DOCK11: variants seen among roughly 807,000 people sequenced by gnomAD.
DOCK11 encodes dedicator of cytokinesis protein 11.
In DOCK11, 70 loss-of-function variants were observed where a neutral mutation model predicts 169.1. The observed-to-expected ratio is 0.41, with a 90% CI of 0.34 to 0.51. DOCK11 has a LOEUF of 0.51. DOCK11 is among the 20% of genes least tolerant of loss of function. The probability of loss-of-function intolerance (pLI) is 0.10; values close to 1 mark genes in which losing one functional copy is unlikely to be tolerated. For synonymous variants in DOCK11, 529 were observed against 541.3 expected, an observed-to-expected ratio of 0.98 and a Z score of 0.32; for missense variants, 1,166 against 1,538.8, an observed-to-expected ratio of 0.76 and a Z score of 4.05.
intron 1 of DOCK11, among the ~76,000 whole-genome samples, chrX:118,510,317 A>G (rs1268371635): frequency 8.9e-6 from 1 of 112,499 alleles, no homozygotes; most frequent in African/African-American, 3.2e-5. Context: ...CAAATGAGGA[A>G]GCACAATCCC....
rs181129113 is a variant in DOCK11 at position 118,511,196 on chromosome X, C to T, written c.102+15123C>T. On this transcript the variant is annotated intron_variant, in intron 1 of 52. Transcript: ENST00000276202. ...CTGGCTAATTGACCTGGCTGTAATG[C>T]ACTGAAAATCATTATAGAAAAGGTT... 2.6e-3 allele frequency among the ~76,000 whole-genome samples: 298 copies of T among 112,469 alleles called. 1 individual carries two copies. Among genetic ancestry groups the T allele is most frequent in the African/African-American group, 9.2e-3 (286 of 30,976 alleles).
chrX:118,648,427 C>T (rs1056948254), intron 40 of DOCK11, among the ~76,000 whole-genome samples: 1 of 95,489 alleles, frequency 1.0e-5, no homozygotes, highest in African/African-American at 3.8e-5. Context: ...CTTTATATTT[C>T]AACAGTTCCT....
intron 12 of DOCK11, among the ~76,000 whole-genome samples, chrX:118,575,840 G>A (rs1353760433): frequency 8.9e-6 from 1 of 112,351 alleles, no homozygotes; most frequent in African/African-American, 3.2e-5. Context: ...TCAGTGTGTA[G>A]CACTCAGCTG....
At chrX:118,621,374 C>CT (rs1382355057) in intron 31 of DOCK11, among the ~76,000 whole-genome samples, 1 of 111,893 alleles carries the variant, frequency 8.9e-6, no homozygotes, top group African/African-American at 3.3e-5. Flanking sequence ...GAGCATGTTT[C>CT]CTATTAATGA....
chrX:118,605,104 T>A, intron 23 of DOCK11, 134 bp from the exon 24 acceptor site: 2 of 416,576 alleles, frequency 4.8e-6, no homozygotes, highest in Non-Finnish European at 8.3e-6. Flanking sequence ...CCCTATCCAA[T>A]GGAAAGCTCA....
chrX:118,510,310 A>G (rs1002200579), intron 1 of DOCK11, among the ~76,000 whole-genome samples: 1 of 112,520 alleles, frequency 8.9e-6, no homozygotes, highest in Non-Finnish European at 1.9e-5. Context: ...TAGAATTCAA[A>G]TGAGGAAGCA....
At chrX:118,628,927 A>G (rs1275605993) in intron 34 of DOCK11, among the ~76,000 whole-genome samples, 1 of 112,428 alleles carries the variant, frequency 8.9e-6, no homozygotes, top group Non-Finnish European at 1.9e-5. Context: ...TGGGATTATG[A>G]CTTAGAACAA....
Position 118,655,875 on chromosome X carries a change from A to G in DOCK11, c.4969+914A>G, listed in dbSNP as rs552878563. Among the ~76,000 whole-genome samples, 4 of 112,264 alleles carry G rather than the reference A, an allele frequency of 3.6e-5. 1 individual carries two copies. Among genetic ancestry groups the G allele is most frequent in the African/African-American group, 1.3e-4 (4 of 30,908 alleles). Reference sequence around the variant, plus strand: ...CTCTGGCTTCAGCTGTACGAACACAACCATATTTTGTTTTATTTTTTAATT... The same window carrying G: ...CTCTGGCTTCAGCTGTACGAACACAGCCATATTTTGTTTTATTTTTTAATT... On this transcript the variant is annotated intron_variant, in intron 44 of 52. Transcript: ENST00000276202.
intron 7 of DOCK11, among the ~76,000 whole-genome samples, chrX:118,563,432 G>C (rs189933149): frequency 1.3e-3 from 139 of 110,469 alleles, no homozygotes; most frequent in African/African-American, 4.1e-3. Flanking sequence ...ACTCCAGCCT[G>C]GGCAGCACAG....
chrX:118,628,377 C>A, intron 34 of DOCK11, 105 bp downstream of exon 34: 1 of 484,020 alleles, frequency 2.1e-6, no homozygotes, highest in Non-Finnish European at 3.4e-6. Flanking sequence ...TCCATCCTGG[C>A]TCTGCGAAAA....
chrX:118,552,083 A>T (rs1267500092), intron 6 of DOCK11, among the ~76,000 whole-genome samples: 1 of 109,647 alleles, frequency 9.1e-6, no homozygotes, highest in Non-Finnish European at 1.9e-5. Context: ...ATAGCAAGGA[A>T]GGGAGGAATC....
intron 41 of DOCK11, among the ~76,000 whole-genome samples, chrX:118,651,438 TC>T (rs2015944188): frequency 9.0e-6 from 1 of 111,105 alleles, no homozygotes; most frequent in Non-Finnish European, 1.9e-5. Context: ...TGAGACCCTG[TC>T]CCAAAAAATA....
intron 1 of DOCK11, among the ~76,000 whole-genome samples, chrX:118,509,277 T>C (rs2057634518): frequency 1.2e-5 from 1 of 85,116 alleles, no homozygotes; most frequent in Admixed American, 1.1e-4. Flanking sequence ...GTTTCTCTCT[T>C]TTTTTTTTTC....
intron 7 of DOCK11, among the ~76,000 whole-genome samples, chrX:118,563,327 C>T (rs2012970564): frequency 9.0e-6 from 1 of 110,942 alleles, no homozygotes; most frequent in South Asian, 3.8e-4. Flanking sequence ...GCCTGTAGTG[C>T]CAGCTACTCA....
intron 26 of DOCK11, 65 bp downstream of exon 26, chrX:118,608,421 C>T (rs960516703): frequency 9.2e-7 from 1 of 1,092,561 alleles, no homozygotes; most frequent in Non-Finnish European, 1.2e-6. Context: ...GATACCCTCC[C>T]GTTTCACTTC....
intron 1 of DOCK11, among the ~76,000 whole-genome samples, chrX:118,539,302 G>T (rs999018713): frequency 8.9e-6 from 1 of 112,048 alleles, no homozygotes; most frequent in African/African-American, 3.2e-5. Context: ...TTCAGGAATT[G>T]GAGAACATTA....
At position 118,588,223 on chromosome X, in the gene DOCK11, G is replaced by A; in HGVS notation, c.1882G>A (p.Glu628Lys). Residue 628 changes from glutamate to lysine, a missense_variant, in exon 17 of 53, where the codon GAA becomes AAA. Glu to Lys is a moderately conservative substitution (Grantham distance 56). Transcript: ENST00000276202. ...ITVEVEEFVP[E>K]MTKYCYPFTI... is the part of the protein sequence containing the mutation. ...TGTGGAGGTTGAAGAGTTTGTTCCA[G>A]AAATGACAAAATATTGTTATCCATT... 2.5e-6 allele frequency: 3 copies of A among 1,204,576 alleles called. No individual in the cohort carries two copies. Among genetic ancestry groups the A allele is most frequent in the Non-Finnish European group, 2.2e-6 (2 of 891,696 alleles).
chrX:118,585,283 C>T (rs942825119), intron 16 of DOCK11, among the ~76,000 whole-genome samples, 166 bp downstream of exon 16: 9 of 109,998 alleles, frequency 8.2e-5, no homozygotes, highest in Non-Finnish European at 1.5e-4. Flanking sequence ...CATTTATTCT[C>T]TCACAGTTCC....
At chrX:118,651,409 T>G (rs2015943533) in intron 41 of DOCK11, among the ~76,000 whole-genome samples, 1 of 111,257 alleles carries the variant, frequency 9.0e-6, no homozygotes, top group African/African-American at 3.3e-5. Context: ...ACCACTGCAT[T>G]CCAGCCTGGG....
Sources: allele counts gnomAD v4.1 joint callset (sites outside exome capture counted in the v4.1 genomes callset), GRCh38; gene constraint gnomAD v4.1.1; transcripts MANE v1.5; gene names NCBI Gene and HGNC (gene_info 2026-07-23, HGNC 2026-07-21).